The following LANCL2 variants were observed in gnomAD, a reference collection of about 807,000 sequenced individuals.
LANCL2 encodes LanC like glutathione S-transferase 2.
LANCL2 carries 33 observed loss-of-function variants against 56.9 expected under a neutral mutation model. The observed-to-expected ratio is 0.58, with a 90% CI of 0.44 to 0.78. The LOEUF is 0.78. LANCL2 is among the 30% of genes least tolerant of loss of function. LANCL2 has a pLI of 0.00. For synonymous variants in LANCL2, 233 were observed against 228.2 expected (o/e 1.02, Z -0.19); for missense variants, 562 against 580.2 (o/e 0.97, Z 0.32).
intron 5 of LANCL2, among the ~76,000 whole-genome samples, chr7:55,402,402 C>T (rs1315418641): frequency 3.5e-5 from 4 of 113,808 alleles, no homozygotes; most frequent in African/African-American, 1.0e-4. Flanking sequence ...ACCTCCCGGA[C>T]GGGGCGGCTG....
intron 2 of LANCL2, chr7:55,397,318 A>G (rs1790265150): frequency 6.6e-6 from 1 of 152,026 alleles, no homozygotes; most frequent in African/African-American, 2.4e-5. Flanking sequence ...AAAAATAGCC[A>G]GGCATGGTGG....
intron 2 of LANCL2, among the ~76,000 whole-genome samples, chr7:55,396,411 C>T (rs1468572667): frequency 2.0e-5 from 3 of 152,356 alleles, no homozygotes; most frequent in Admixed American, 6.5e-5. Context: ...ATCGCAGCCC[C>T]GCCTACCCGG....
intron 1 of LANCL2, among the ~76,000 whole-genome samples, chr7:55,375,090 T>G (rs1347687797): frequency 6.6e-6 from 1 of 152,244 alleles, no homozygotes; most frequent in African/African-American, 2.4e-5. Context: ...GCATAACTAT[T>G]CAAAACGTAC....
chr7:55,403,569 GTT>G lies in LANCL2; in HGVS notation c.825+2268_825+2269del, dbSNP rs34481346. 8.4e-3 allele frequency among the ~76,000 whole-genome samples: 840 copies of G among 99,456 alleles called. 5 individuals carry two copies. The highest frequency in any genetic ancestry group is 0.029 in the African/African-American group (730 of 25,526). The allele number at this position is 99,456 out of a possible 152,430, so 65.2% of individuals were successfully genotyped here. ...TCTGGGTTTTTTTTGTTTGTTTGTT[GTT>G]TTTTTTTTTTTTTTTTTTGAGACAG... is the stretch of plus-strand genomic sequence containing the variant. On this transcript the variant is annotated intron_variant, in intron 5 of 8. Transcript: ENST00000254770.
At chr7:55,414,064 A>T (rs909675295) in intron 6 of LANCL2, among the ~76,000 whole-genome samples, 32 of 152,230 alleles carry the variant, frequency 2.1e-4, no homozygotes, top group Non-Finnish European at 4.4e-5. Flanking sequence ...TACAATTATT[A>T]TATATCAATG....
intron 6 of LANCL2, among the ~76,000 whole-genome samples, chr7:55,417,482 G>A (rs1230482037): frequency 6.6e-6 from 1 of 151,978 alleles, no homozygotes; most frequent in African/African-American, 2.4e-5. Context: ...TTCTTATTCT[G>A]CATTTATTGT....
At chr7:55,366,779 A>G (rs1371888004) in intron 1 of LANCL2, among the ~76,000 whole-genome samples, 1 of 152,234 alleles carries the variant, frequency 6.6e-6, no homozygotes, top group African/African-American at 2.4e-5. Context: ...CAGATTAACA[A>G]CAGAAAAACA....
intron 1 of LANCL2, among the ~76,000 whole-genome samples, chr7:55,372,415 C>T (rs1789953331): frequency 6.6e-6 from 1 of 151,362 alleles, no homozygotes; most frequent in African/African-American, 2.4e-5. Flanking sequence ...CTTACCTCAT[C>T]AACTTGATGT....
At chr7:55,371,271 C>A (rs1391914833) in intron 1 of LANCL2, among the ~76,000 whole-genome samples, 1 of 152,098 alleles carries the variant, frequency 6.6e-6, no homozygotes, top group African/African-American at 2.4e-5. Context: ...CAGGGTCTCA[C>A]TCTGTTGTAG....
chr7:55,402,464 C>G (rs1327885576), intron 5 of LANCL2, among the ~76,000 whole-genome samples: 1 of 141,814 alleles, frequency 7.1e-6, no homozygotes, highest in Non-Finnish European at 1.6e-5. Context: ...GGCGGCTGGC[C>G]GGGCAGAGGG....
At chr7:55,368,937 G>C (rs1789906436) in intron 1 of LANCL2, among the ~76,000 whole-genome samples, 1 of 152,174 alleles carries the variant, frequency 6.6e-6, no homozygotes, top group African/African-American at 2.4e-5. Context: ...TTGAGGGCAG[G>C]AGTTCAAGAC....
chr7:55,376,887 A>G (rs1486039977), intron 1 of LANCL2, among the ~76,000 whole-genome samples: 1 of 152,258 alleles, frequency 6.6e-6, no homozygotes, highest in African/African-American at 2.4e-5. Context: ...AATAACTAAT[A>G]TTATACTCAA....
intron 4 of LANCL2, among the ~76,000 whole-genome samples, chr7:55,400,935 T>A (rs1212196597): frequency 6.6e-6 from 1 of 152,238 alleles, no homozygotes; most frequent in Non-Finnish European, 1.5e-5. Context: ...CAAAGAATTT[T>A]TTATTTCTTA....
intron 5 of LANCL2, among the ~76,000 whole-genome samples, chr7:55,407,197 A>G (rs954201982): frequency 6.6e-6 from 1 of 152,182 alleles, no homozygotes; most frequent in Non-Finnish European, 1.5e-5. Context: ...GCTCTTTTCA[A>G]TTCAGGAAAG....
intron 1 of LANCL2, among the ~76,000 whole-genome samples, chr7:55,389,159 A>G (rs946831318): frequency 6.6e-6 from 1 of 152,244 alleles, no homozygotes; most frequent in African/African-American, 2.4e-5. Flanking sequence ...GTTACACAAG[A>G]AAGTTAGACA....
chr7:55,401,580 T>G, intron 5 of LANCL2, among the ~76,000 whole-genome samples: 1 of 95,632 alleles, frequency 1.0e-5, no homozygotes, highest in African/African-American at 4.0e-5. Context: ...CATTCTTGGG[T>G]GTTTCTCGCA....
At chr7:55,388,796 A>G (rs1428333837) in intron 1 of LANCL2, among the ~76,000 whole-genome samples, 1 of 152,168 alleles carries the variant, frequency 6.6e-6, no homozygotes, top group Admixed American at 6.5e-5. Flanking sequence ...AGGGGTTGGG[A>G]TTCTGTCCTG....
chr7:55,367,434 C>T (rs1789887886), intron 1 of LANCL2, among the ~76,000 whole-genome samples: 1 of 152,224 alleles, frequency 6.6e-6, no homozygotes. Context: ...TGGTTAAAAA[C>T]TCGAAACAGG....
At position 55,365,768 on chromosome 7, in the gene LANCL2, C is replaced by T. The variant is rs912111186; in HGVS notation, c.-258C>T. 2.2e-5 allele frequency: 8 copies of T among 359,294 alleles called. No individual in the cohort carries two copies. The highest frequency in any genetic ancestry group is 2.5e-5 in the Non-Finnish European group (5 of 200,292). 22.3% of individuals were successfully genotyped at this position (359,294 alleles called of 1,614,324 possible). A position where few individuals can be genotyped will look rare whatever the true frequency, so the allele number is the denominator to read the frequency against. On this transcript the variant is annotated 5_prime_UTR_variant, in exon 1 of 9. Transcript: ENST00000254770. ...GCTGGGCGCTCCCGCGAGCCCGCTC[C>T]TCTCCGTCGGGAGCAGGGCAAAGGC...
Sources: allele counts gnomAD v4.1 joint callset (sites outside exome capture counted in the v4.1 genomes callset), GRCh38; gene constraint gnomAD v4.1.1; transcripts MANE v1.5; gene names NCBI Gene and HGNC (gene_info 2026-07-23, HGNC 2026-07-21).